LRP6: variants seen among roughly 807,000 people sequenced by gnomAD.
LRP6 encodes LDL receptor related protein 6.
A neutral mutation model predicts 184.1 loss-of-function variants in LRP6; 43 were observed. That is an observed-to-expected ratio of 0.23 (90% confidence interval 0.18 to 0.30). The LOEUF (loss-of-function observed/expected upper bound fraction) is 0.30, where lower values mean the gene tolerates loss of function less well. Ranked by LOEUF, LRP6 falls within the 10% of genes least tolerant of loss-of-function variation. The pLI is 1.00. For synonymous variants in LRP6, 719 were observed against 684.9 expected (o/e 1.05, Z -0.78); for missense variants, 1,571 against 2,005.3 (o/e 0.78, Z 4.14).
At chr12:12,140,750 C>T (rs1949921090) in intron 15 of LRP6, among the ~76,000 whole-genome samples, 1 of 151,952 alleles carries the variant, frequency 6.6e-6, no homozygotes, top group African/African-American at 2.4e-5. Flanking sequence ...ATTACTCGCA[C>T]CCGTCACCAT....
chr12:12,195,453 T>C (rs972092591), intron 3 of LRP6, among the ~76,000 whole-genome samples: 1 of 152,290 alleles, frequency 6.6e-6, no homozygotes, highest in Middle Eastern at 3.4e-3. Flanking sequence ...TGATTTGTGA[T>C]GTTGAGCATT....
intron 2 of LRP6, among the ~76,000 whole-genome samples, chr12:12,209,447 C>T (rs531992204): frequency 6.6e-6 from 1 of 152,196 alleles, no homozygotes; most frequent in African/African-American, 2.4e-5. Context: ...GGATAAGACC[C>T]AGATAAAGAT....
intron 2 of LRP6, among the ~76,000 whole-genome samples, chr12:12,230,874 T>TG (rs941336119): frequency 6.6e-6 from 1 of 151,888 alleles, no homozygotes; most frequent in African/African-American, 2.4e-5. Context: ...AGACCAAAAA[T>TG]GAACAGGAAA....
chr12:12,138,458 A>G lies in LRP6; in HGVS notation c.3474T>C (p.Tyr1158=), dbSNP rs755531612. ...TCATTTGCTGCTGTTTATCAATCCA[A>G]TAGAGCCAGTTTTCAAACACAGTAA... ...VGLTVFENWL[Y]WIDKQQQMIE... is the part of the protein sequence containing the mutation. The change falls in exon 16 of 23, where the codon TAT becomes TAC. Residue 1158 remains tyrosine, a synonymous_variant. Transcript: ENST00000261349. The G allele has an allele frequency of 3.1e-6, 5 of 1,614,098 alleles. No individual in the cohort carries two copies. Among genetic ancestry groups the G allele is most frequent in the East Asian group, 2.2e-5 (1 of 44,862 alleles).
At chr12:12,253,174 G>C (rs1458359070) in intron 1 of LRP6, among the ~76,000 whole-genome samples, 1 of 152,306 alleles carries the variant, frequency 6.6e-6, no homozygotes, top group East Asian at 1.9e-4. Flanking sequence ...TGAGGCAGGA[G>C]AATCACTGGA....
chr12:12,242,962 T>C (rs531070728), intron 2 of LRP6, among the ~76,000 whole-genome samples: 60 of 152,338 alleles, frequency 3.9e-4, no homozygotes, highest in African/African-American at 1.1e-3. Context: ...TCTCATTTAT[T>C]ACATAAAAAG....
At chr12:12,152,976 A>C (rs1164936795) in intron 12 of LRP6, among the ~76,000 whole-genome samples, 1 of 152,232 alleles carries the variant, frequency 6.6e-6, no homozygotes, top group African/African-American at 2.4e-5. Flanking sequence ...AGATTTAGAA[A>C]GTTATCCCAA....
chr12:12,217,140 T>C (rs1448396307), intron 2 of LRP6, among the ~76,000 whole-genome samples: 2 of 152,192 alleles, frequency 1.3e-5, no homozygotes, highest in East Asian at 1.9e-4. Context: ...AACAGGCAAG[T>C]GAGCAAAGCT....
chr12:12,155,644 G>GC (rs1950141729), intron 12 of LRP6: 1 of 929,074 alleles, frequency 1.1e-6, no homozygotes, highest in African/African-American at 1.6e-5. Context: ...AAAGAAAGAA[G>GC]CCAAAGAGAA....
At chr12:12,255,421 TA>T (rs34525701) in intron 1 of LRP6, among the ~76,000 whole-genome samples, 59,342 of 146,340 alleles carry the variant, frequency 0.41, 14,083 homozygotes, top group East Asian at 0.75. Flanking sequence ...CTCCTTTCTA[TA>T]AAAAAAAAAA....
At chr12:12,184,283 T>C (rs1204687473) in intron 4 of LRP6, among the ~76,000 whole-genome samples, 172 bp from the exon 5 acceptor site, 1 of 152,210 alleles carries the variant, frequency 6.6e-6, no homozygotes, top group Non-Finnish European at 1.5e-5. Flanking sequence ...ATTTACTTAG[T>C]ATTTTGTAAC....
rs1949878471 is a variant in LRP6 at position 12,138,520 on chromosome 12, C to A, written c.3412G>T (p.Val1138Leu). 2 of 1,613,478 alleles carry A rather than the reference C, an allele frequency of 1.2e-6. No individual in the cohort carries two copies. The highest frequency in any genetic ancestry group is 1.3e-5 in the African/African-American group (1 of 74,892). ...TGCAAGATATTGGAGTCTTCTAATA[C>A]TATCCGGTTAGCACCTTGGAAAAGG... is the stretch of plus-strand genomic sequence containing the variant. ...SSDLSGANRIVLEDSNILQPV... is the reference protein window; with the variant it reads ...SSDLSGANRILLEDSNILQPV... Residue 1138 changes from valine to leucine, a missense_variant, in exon 16 of 23, where the codon GTA becomes TTA. This residue lies in a region of LRP6 where 763 missense variants were observed against 859.5 expected (regional missense o/e 0.89). Transcript: ENST00000261349.
intron 7 of LRP6, among the ~76,000 whole-genome samples, chr12:12,168,884 C>G (rs1306387398): frequency 6.6e-6 from 1 of 152,004 alleles, no homozygotes; most frequent in African/African-American, 2.4e-5. Flanking sequence ...CATATCACCT[C>G]TACTTGGGTT....
At chr12:12,123,421 T>C (rs1369133477) in intron 22 of LRP6, among the ~76,000 whole-genome samples, 1 of 152,202 alleles carries the variant, frequency 6.6e-6, no homozygotes, top group Non-Finnish European at 1.5e-5. Context: ...GAAATGAGAA[T>C]TCTGAGTGAG....
intron 18 of LRP6, among the ~76,000 whole-genome samples, chr12:12,131,620 C>T (rs971400993): frequency 6.6e-6 from 1 of 152,052 alleles, no homozygotes; most frequent in Non-Finnish European, 1.5e-5. Flanking sequence ...TCTCAATTTT[C>T]AAAGCTTATT....
intron 2 of LRP6, among the ~76,000 whole-genome samples, chr12:12,239,803 TATTAA>T (rs1865014989): frequency 6.6e-6 from 1 of 151,420 alleles, no homozygotes; most frequent in Non-Finnish European, 1.5e-5. Context: ...AAAGCAAAGC[TATTAA>T]AATACTGTGT....
At chr12:12,254,358 T>C (rs1865410672) in intron 1 of LRP6, among the ~76,000 whole-genome samples, 1 of 152,082 alleles carries the variant, frequency 6.6e-6, no homozygotes, top group Non-Finnish European at 1.5e-5. Flanking sequence ...TAGGACTGAA[T>C]AAACTGATGA....
chr12:12,177,298 A>T (rs1467596475), intron 7 of LRP6, among the ~76,000 whole-genome samples: 1 of 152,234 alleles, frequency 6.6e-6, no homozygotes, highest in African/African-American at 2.4e-5. Flanking sequence ...AGAAGGGAGA[A>T]TGTCACCCAG....
At chr12:12,155,905 CATTT>C (rs1950145512) in intron 12 of LRP6, 3 of 552,446 alleles carry the variant, frequency 5.4e-6, no homozygotes, top group East Asian at 6.0e-5. Context: ...TTTCTTCATT[CATTT>C]ATTTAACAAT....
Sources: allele counts gnomAD v4.1 joint callset (sites outside exome capture counted in the v4.1 genomes callset), GRCh38; gene constraint gnomAD v4.1.1; regional missense constraint gnomAD v4.1.1; transcripts MANE v1.5; gene names NCBI Gene and HGNC (gene_info 2026-07-23, HGNC 2026-07-21).